EXOC6B: variants seen among roughly 807,000 people sequenced by gnomAD.
EXOC6B encodes the protein exocyst complex component 6B.
A neutral mutation model predicts 113.5 loss-of-function variants in EXOC6B; 54 were observed. The ratio of observed to expected loss-of-function variants is 0.48; its 90% CI spans 0.38 to 0.60. The LOEUF (loss-of-function observed/expected upper bound fraction) is 0.60. Among genes scored for constraint, EXOC6B ranks in the 20% least tolerant of loss-of-function variants. The pLI is 0.00. For synonymous variants in EXOC6B, 357 were observed against 339.0 expected, an observed-to-expected ratio of 1.05 and a Z score of -0.58; for missense variants, 797 against 977.5, an observed-to-expected ratio of 0.82 and a Z score of 2.46.
chr2:72,285,166 C>CAATA (rs1685351774), intron 20 of EXOC6B, among the ~76,000 whole-genome samples: 1 of 151,988 alleles, frequency 6.6e-6, no homozygotes, highest in South Asian at 2.1e-4. Context: ...ATAGCCAACA[C>CAATA]AATATCAAAG....
At chr2:72,379,644 C>T (rs1691562407) in intron 19 of EXOC6B, 85 bp downstream of exon 19, 8 of 1,391,132 alleles carry the variant, frequency 5.8e-6, no homozygotes, top group Non-Finnish European at 5.8e-6. Context: ...GGAACAAGGA[C>T]CCTAAACACC....
At chr2:72,588,357 A>T (rs1705717131) in intron 6 of EXOC6B, among the ~76,000 whole-genome samples, 1 of 147,762 alleles carries the variant, frequency 6.8e-6, no homozygotes, top group African/African-American at 2.4e-5. Flanking sequence ...CTGAAATAAG[A>T]AAATTCTGTC....
chr2:72,534,398 A>G (rs1223240951), intron 8 of EXOC6B, among the ~76,000 whole-genome samples: 1 of 152,166 alleles, frequency 6.6e-6, no homozygotes, highest in Non-Finnish European at 1.5e-5. Flanking sequence ...TTGAATTTAT[A>G]TTGAAAAAAC....
At chr2:72,564,300 G>A (rs537080205) in intron 7 of EXOC6B, among the ~76,000 whole-genome samples, 3 of 152,100 alleles carry the variant, frequency 2.0e-5, no homozygotes, top group South Asian at 2.1e-4. Flanking sequence ...ACACCTACAC[G>A]GCATTTATTT....
In EXOC6B at chr2:72,179,304, C is replaced by G; in HGVS notation, c.*31G>C. On this transcript the variant is annotated 3_prime_UTR_variant, in exon 22 of 22. Transcript: ENST00000272427. ...CCCCAGACTGACACAGAGGCTGCAG[C>G]AGGTCGCCTCTGTGGGTCCGGGGTC... 1 of 1,555,236 alleles carries G rather than the reference C, an allele frequency of 6.4e-7. No homozygotes were observed. Among genetic ancestry groups the G allele is most frequent in the Non-Finnish European group, 8.7e-7 (1 of 1,149,854 alleles).
intron 20 of EXOC6B, among the ~76,000 whole-genome samples, chr2:72,249,187 G>C (rs1233221668): frequency 6.6e-6 from 1 of 152,188 alleles, no homozygotes; most frequent in Non-Finnish European, 1.5e-5. Context: ...GATTACTTAA[G>C]CCCAGGAGTT....
intron 20 of EXOC6B, among the ~76,000 whole-genome samples, chr2:72,250,486 G>T (rs1573089686): frequency 6.6e-6 from 1 of 152,144 alleles, no homozygotes; most frequent in South Asian, 2.1e-4. Flanking sequence ...GGGACTACAG[G>T]TGTATGCCAC....
chr2:72,264,336 C>G (rs559044720), intron 20 of EXOC6B, among the ~76,000 whole-genome samples: 1 of 151,956 alleles, frequency 6.6e-6, no homozygotes, highest in Admixed American at 6.6e-5. Context: ...TTTGGGAGAC[C>G]GAGGCGGGCA....
chr2:72,422,288 C>T (rs1428217059), intron 18 of EXOC6B, among the ~76,000 whole-genome samples: 1 of 152,240 alleles, frequency 6.6e-6, no homozygotes, highest in African/African-American at 2.4e-5. Context: ...CAGCTGGGCT[C>T]CTGAGTCTGG....
chr2:72,213,338 G>A (rs1376135891), intron 20 of EXOC6B, among the ~76,000 whole-genome samples: 4 of 152,140 alleles, frequency 2.6e-5, no homozygotes, highest in Non-Finnish European at 5.9e-5. Context: ...CAAATAAAAT[G>A]GTTGTTACTT....
intron 7 of EXOC6B, among the ~76,000 whole-genome samples, chr2:72,568,335 G>A (rs1704312507): frequency 6.6e-6 from 1 of 152,026 alleles, no homozygotes. Flanking sequence ...ACTAGAGATA[G>A]TTGTATAAAG....
intron 20 of EXOC6B, among the ~76,000 whole-genome samples, chr2:72,265,508 G>T (rs908768183): frequency 1.7e-4 from 25 of 151,194 alleles, no homozygotes; most frequent in African/African-American, 6.1e-4. Flanking sequence ...GCAGTGTTTG[G>T]TTTTTTGTCC....
At chr2:72,209,266 A>G (rs1680037213) in intron 20 of EXOC6B, among the ~76,000 whole-genome samples, 1 of 151,292 alleles carries the variant, frequency 6.6e-6, no homozygotes, top group South Asian at 2.1e-4. Flanking sequence ...AAGAAAAGAA[A>G]AGAAAAAAGA....
chr2:72,639,978 T>C (rs1394015571), intron 6 of EXOC6B, among the ~76,000 whole-genome samples: 4 of 152,162 alleles, frequency 2.6e-5, no homozygotes, highest in African/African-American at 9.7e-5. Flanking sequence ...CTCCAAACAA[T>C]GGCACCACCT....
At chr2:72,446,995 T>G (rs1331055280) in intron 18 of EXOC6B, among the ~76,000 whole-genome samples, 2 of 151,706 alleles carry the variant, frequency 1.3e-5, no homozygotes, top group African/African-American at 4.8e-5. Flanking sequence ...TCCCAGCTAC[T>G]CAGGAGGCTG....
At chr2:72,215,113 T>C (rs1034840173) in intron 20 of EXOC6B, among the ~76,000 whole-genome samples, 1 of 152,206 alleles carries the variant, frequency 6.6e-6, no homozygotes, top group Admixed American at 6.5e-5. Context: ...TCTTGCTGAA[T>C]GGTGAGAGGG....
intron 20 of EXOC6B, among the ~76,000 whole-genome samples, chr2:72,242,910 T>G (rs1434128088): frequency 6.6e-6 from 1 of 152,134 alleles, no homozygotes; most frequent in East Asian, 1.9e-4. Context: ...TATTTAAATT[T>G]TTTTTGTAGA....
At chr2:72,412,420 A>C (rs1048462828) in intron 18 of EXOC6B, among the ~76,000 whole-genome samples, 1 of 152,232 alleles carries the variant, frequency 6.6e-6, no homozygotes, top group African/African-American at 2.4e-5. Context: ...ATGCATAGTC[A>C]TTGCAAGTCA....
intron 1 of EXOC6B, among the ~76,000 whole-genome samples, chr2:72,801,332 A>C (rs1685260189): frequency 1.3e-5 from 2 of 152,214 alleles, no homozygotes; most frequent in African/African-American, 2.4e-5. Context: ...AAAGACACTT[A>C]AAAGAAGATA....
Sources: allele counts gnomAD v4.1 joint callset (sites outside exome capture counted in the v4.1 genomes callset), GRCh38; gene constraint gnomAD v4.1.1; transcripts MANE v1.5; gene names NCBI Gene and HGNC (gene_info 2026-07-23, HGNC 2026-07-21).